The following COL25A1 variants were observed in gnomAD, a reference collection of about 807,000 sequenced individuals.
COL25A1 encodes collagen type XXV alpha 1 chain.
In COL25A1, 103 loss-of-function variants were observed where a neutral mutation model predicts 128.4. The observed-to-expected ratio is 0.80, with a 90% confidence interval of 0.68 to 0.94. The LOEUF is 0.94. COL25A1 is among the 40% of genes least tolerant of loss of function. COL25A1 has a pLI of 0.00. For synonymous variants in COL25A1, 279 were observed against 277.2 expected, an observed-to-expected ratio of 1.01 and a Z score of -0.06; for missense variants, 745 against 840.0, an observed-to-expected ratio of 0.89 and a Z score of 1.40.
At chr4:109,084,161 T>C (rs1764148869) in intron 3 of COL25A1, among the ~76,000 whole-genome samples, 2 of 152,152 alleles carry the variant, frequency 1.3e-5, no homozygotes, top group African/African-American at 4.8e-5. Flanking sequence ...ATAAAACAGA[T>C]GACTGTATTA....
intron 6 of COL25A1, among the ~76,000 whole-genome samples, chr4:108,979,883 C>G (rs1752794244): frequency 2.0e-5 from 3 of 151,958 alleles, no homozygotes; most frequent in Admixed American, 6.6e-5. Flanking sequence ...GGTGGGAGAG[C>G]TGGAGTTGAA....
intron 11 of COL25A1, among the ~76,000 whole-genome samples, chr4:108,931,647 A>G (rs1746754452): frequency 6.6e-6 from 1 of 152,204 alleles, no homozygotes; most frequent in African/African-American, 2.4e-5. Context: ...CCTCTGGAGA[A>G]GTCTGTGCAC....
At chr4:108,855,669 A>G (rs949501149) in intron 24 of COL25A1, among the ~76,000 whole-genome samples, 1 of 152,170 alleles carries the variant, frequency 6.6e-6, no homozygotes, top group Non-Finnish European at 1.5e-5. Flanking sequence ...ATAAAAGAAT[A>G]TTATTAATAG....
intron 5 of COL25A1, among the ~76,000 whole-genome samples, chr4:109,034,656 CTT>C (rs1215166629): frequency 6.6e-6 from 1 of 152,110 alleles, no homozygotes; most frequent in Non-Finnish European, 1.5e-5. Flanking sequence ...CACTCTGAAA[CTT>C]TACATGGTTT....
chr4:108,896,121 T>C (rs886779855), intron 16 of COL25A1, among the ~76,000 whole-genome samples: 21 of 151,730 alleles, frequency 1.4e-4, no homozygotes, highest in African/African-American at 5.1e-4. Flanking sequence ...AGTTTTTTTG[T>C]ATTTTTTTAG....
chr4:108,926,533 A>G (rs1746083715), intron 11 of COL25A1, among the ~76,000 whole-genome samples: 1 of 152,216 alleles, frequency 6.6e-6, no homozygotes, highest in Non-Finnish European at 1.5e-5. Flanking sequence ...CAAAGGGAAG[A>G]ATGATAACAC....
At position 109,026,845 on chromosome 4, in the gene COL25A1, GAGA is replaced by G. The variant is rs143315794; in HGVS notation, c.421-16473_421-16471del. ...GAGAACACAAAAGGAAGTGGAGTCA[GAGA>G]AGAAGAATGCGGAGAAAGAACACCA... is the stretch of plus-strand genomic sequence containing the variant. On this transcript the variant is annotated intron_variant, in intron 5 of 37. Coordinates refer to ENST00000399132, the MANE Select transcript of COL25A1 (RefSeq NM_198721.4). Among the ~76,000 whole-genome samples the G allele has an allele frequency of 4.0e-3, 613 of 152,294 alleles. 1 individual carries two copies. The highest frequency in any genetic ancestry group is 6.8e-3 in the Middle Eastern group (2 of 294).
chr4:109,008,830 T>C (rs1230324233), intron 6 of COL25A1, among the ~76,000 whole-genome samples: 1 of 152,082 alleles, frequency 6.6e-6, no homozygotes, highest in African/African-American at 2.4e-5. Context: ...AAAGAAAGCA[T>C]GCAAGCTGAG....
At chr4:108,843,850 C>T (rs1426005713) in intron 30 of COL25A1, among the ~76,000 whole-genome samples, 1 of 151,586 alleles carries the variant, frequency 6.6e-6, no homozygotes, top group Non-Finnish European at 1.5e-5. Flanking sequence ...GTTCAAACCT[C>T]AAACTTTGTC....
chr4:109,179,290 C>T (rs1399324799), intron 3 of COL25A1, among the ~76,000 whole-genome samples: 1 of 152,310 alleles, frequency 6.6e-6, no homozygotes, highest in East Asian at 1.9e-4. Context: ...TAACTGTCCT[C>T]ACCTCCCCCC....
intron 3 of COL25A1, among the ~76,000 whole-genome samples, chr4:109,066,549 G>T (rs1467489920): frequency 1.3e-5 from 2 of 152,194 alleles, no homozygotes; most frequent in Non-Finnish European, 2.9e-5. Flanking sequence ...CTTAAAAACA[G>T]AGAACCAATC....
chr4:109,095,456 A>G (rs1243101716), intron 3 of COL25A1, among the ~76,000 whole-genome samples: 3 of 152,212 alleles, frequency 2.0e-5, no homozygotes, highest in Non-Finnish European at 1.5e-5. Context: ...ATGATGCAGA[A>G]CCAAAGTGCC....
intron 11 of COL25A1, among the ~76,000 whole-genome samples, chr4:108,921,374 A>C (rs951302946): frequency 7.0e-6 from 1 of 143,744 alleles, no homozygotes; most frequent in Non-Finnish European, 1.5e-5. Flanking sequence ...AGACAGTGGA[A>C]AATAACTCAA....
rs115747681 is a variant in COL25A1 at position 108,864,790 on chromosome 4, A to G, written c.1084-1403T>C. On this transcript the variant is annotated intron_variant, in intron 20 of 37. Coordinates refer to ENST00000399132, the MANE Select transcript of COL25A1 (RefSeq NM_198721.4). ...GCATGGATGAGTGCAGAAACTGCACAAAACACTTTACATGTATTATCCTAT... is the reference window on the plus strand; with the variant it reads ...GCATGGATGAGTGCAGAAACTGCACGAAACACTTTACATGTATTATCCTAT... Among the ~76,000 whole-genome samples, 1,382 of 152,350 alleles carry G rather than the reference A, an allele frequency of 9.1e-3. 23 individuals are homozygous for G. Among genetic ancestry groups the G allele is most frequent in the African/African-American group, 0.031 (1,302 of 41,574 alleles).
chr4:109,037,591 G>A (rs1759474570), intron 5 of COL25A1, among the ~76,000 whole-genome samples: 1 of 152,208 alleles, frequency 6.6e-6, no homozygotes, highest in South Asian at 2.1e-4. Flanking sequence ...CGCATGTGCG[G>A]CAGAGAGACT....
chr4:108,979,814 T>C (rs959167077), intron 6 of COL25A1, among the ~76,000 whole-genome samples: 18 of 152,138 alleles, frequency 1.2e-4, no homozygotes, highest in Admixed American at 3.3e-4. Context: ...GAGGGACATG[T>C]AAATATAATC....
At chr4:108,968,727 T>G (rs924274243) in intron 8 of COL25A1, among the ~76,000 whole-genome samples, 29 of 152,212 alleles carry the variant, frequency 1.9e-4, no homozygotes, top group African/African-American at 6.5e-4. Flanking sequence ...CCTCCAGTTA[T>G]GGCACTGCCT....
intron 3 of COL25A1, among the ~76,000 whole-genome samples, chr4:109,243,363 G>A (rs1386661600): frequency 6.6e-6 from 1 of 151,798 alleles, no homozygotes; most frequent in Non-Finnish European, 1.5e-5. Flanking sequence ...AGATGAGAGG[G>A]GCCTTTGGAA....
intron 3 of COL25A1, among the ~76,000 whole-genome samples, chr4:109,104,918 T>TA (rs1030070066): frequency 6.6e-6 from 1 of 152,226 alleles, no homozygotes; most frequent in African/African-American, 2.4e-5. Flanking sequence ...ATTGATTTAA[T>TA]AAAAATTGCT....
Sources: gnomAD v4.1 joint callset for allele counts (sites outside exome capture counted in the v4.1 genomes callset) on GRCh38, gnomAD v4.1.1 for gene constraint, MANE v1.5 for transcripts, NCBI Gene and HGNC (gene_info 2026-07-23, HGNC 2026-07-21) for gene names.